Variants in F13A1 observed in about 807,000 individuals in gnomAD.
F13A1 encodes the protein coagulation factor XIII A chain.
A neutral mutation model predicts 80.1 loss-of-function variants in F13A1; 47 were observed. That is an observed-to-expected ratio of 0.59 (90% CI 0.46 to 0.75). F13A1 has a LOEUF of 0.75. Among genes scored for constraint, F13A1 ranks in the 30% least tolerant of loss-of-function variants. The probability of loss-of-function intolerance (pLI) is 0.00; values close to 1 mark genes in which losing one functional copy is unlikely to be tolerated. For missense variants in F13A1, 817 were observed against 930.4 expected (o/e 0.88, Z 1.59); for synonymous variants, 349 against 344.9 (o/e 1.01, Z -0.13).
intron 8 of F13A1, among the ~76,000 whole-genome samples, chr6:6,219,648 C>T (rs754615626): frequency 6.6e-6 from 1 of 152,150 alleles, no homozygotes. Flanking sequence ...TGGGGACAGC[C>T]CGCACTAACC....
rs116768457 is a variant in F13A1, at chr6:6,235,060, G to A, written c.799-10200C>T. Reference sequence around the variant, plus strand: ...ATAAAGGATAATCATTTCAAAAAATGAGGTGGCATCAATTGGATATTCATA... The same window carrying A: ...ATAAAGGATAATCATTTCAAAAAATAAGGTGGCATCAATTGGATATTCATA... On this transcript the variant is annotated intron_variant, in intron 6 of 14. Transcript: ENST00000264870. 4.7e-3 allele frequency among the ~76,000 whole-genome samples: 721 copies of A among 152,110 alleles called. 2 individuals carry two copies. Among genetic ancestry groups the A allele is most frequent in the African/African-American group, 0.017 (688 of 41,564 alleles).
intron 4 of F13A1, among the ~76,000 whole-genome samples, chr6:6,259,214 A>C (rs1757745411): frequency 6.6e-6 from 1 of 152,222 alleles, no homozygotes. Flanking sequence ...CTGAGGGCGT[A>C]AATGCTGGTC....
At chr6:6,180,716 T>TA (rs1760965319) in intron 11 of F13A1, among the ~76,000 whole-genome samples, 1 of 152,192 alleles carries the variant, frequency 6.6e-6, no homozygotes, top group Non-Finnish European at 1.5e-5. Context: ...ATGAAGCATT[T>TA]AAAAAATACA....
chr6:6,267,917 A>G (rs1026925262), intron 3 of F13A1, among the ~76,000 whole-genome samples: 3 of 152,202 alleles, frequency 2.0e-5, no homozygotes, highest in Non-Finnish European at 4.4e-5. Flanking sequence ...TCACCTTTGT[A>G]CTAACTTCTA....
intron 13 of F13A1, 143 bp from the exon 14 acceptor site, chr6:6,152,092 T>C: frequency 4.4e-6 from 4 of 917,952 alleles, no homozygotes; most frequent in Non-Finnish European, 5.1e-6. Context: ...GATAGCTGAT[T>C]GCTTTGACTG....
intron 13 of F13A1, among the ~76,000 whole-genome samples, chr6:6,161,316 AC>A (rs1189912864): frequency 1.3e-5 from 2 of 152,018 alleles, no homozygotes; most frequent in Admixed American, 1.3e-4. Flanking sequence ...GCCCTAAGCA[AC>A]CCCCATGCAT....
At chr6:6,190,726 C>G (rs1279629530) in intron 10 of F13A1, among the ~76,000 whole-genome samples, 1 of 120,728 alleles carries the variant, frequency 8.3e-6, no homozygotes, top group Non-Finnish European at 1.8e-5. Context: ...GGCAGGCAGG[C>G]CTCCTTGAGC....
In F13A1 at chr6:6,195,890, A is replaced by C. The variant is rs757186297; in HGVS notation, c.1217-5T>G. 3.1e-6 allele frequency: 5 copies of C among 1,613,960 alleles called. No homozygotes were observed. In the South Asian group the frequency reaches 4.4e-5, roughly 14 times the overall value. The stretch of plus-strand genomic sequence containing the variant: ...CGGGGCCACACCGATACATGCCTGC[A>C]TTGCACAGAGGAAGGGCGGTGTGAG... On this transcript the variant is annotated splice_polypyrimidine_tract_variant and splice_region_variant and intron_variant, in intron 9 of 14. Coordinates refer to ENST00000264870, the MANE Select transcript of F13A1 (RefSeq NM_000129.4).
intron 3 of F13A1, chr6:6,305,023 C>T (rs1260711333): frequency 2.2e-5 from 9 of 403,724 alleles, no homozygotes; most frequent in Middle Eastern, 1.5e-3. Flanking sequence ...ATTTTCAGCA[C>T]GAGACCAATT....
chr6:6,159,503 G>C (rs886101029), intron 13 of F13A1, among the ~76,000 whole-genome samples: 9 of 152,218 alleles, frequency 5.9e-5, no homozygotes, highest in African/African-American at 2.2e-4. Flanking sequence ...ACTGTGCAAA[G>C]TGGAAAAGGG....
chr6:6,151,751 AC>A (rs1760379941), intron 14 of F13A1, 61 bp downstream of exon 14: 3 of 1,607,978 alleles, frequency 1.9e-6, no homozygotes, highest in Non-Finnish European at 2.6e-6. Context: ...GAAAAGACAC[AC>A]ACAGAGAAAG....
At chr6:6,206,736 C>T (rs1761496231) in intron 8 of F13A1, 1 of 364,562 alleles carries the variant, frequency 2.7e-6, no homozygotes, top group South Asian at 2.2e-5. Flanking sequence ...TGGCTTTCTA[C>T]ATACATAATT....
intron 8 of F13A1, among the ~76,000 whole-genome samples, chr6:6,202,843 GC>G (rs994046743): frequency 1.3e-5 from 2 of 152,208 alleles, no homozygotes; most frequent in Non-Finnish European, 2.9e-5. Context: ...TAATAATTCA[GC>G]AGTATTGGTA....
intron 13 of F13A1, among the ~76,000 whole-genome samples, chr6:6,166,635 G>A (rs899705156): frequency 3.3e-5 from 5 of 152,300 alleles, no homozygotes; most frequent in South Asian, 4.1e-4. Context: ...GCAGGAAGGC[G>A]TCTCATGGAT....
In F13A1 at chr6:6,194,719, C is replaced by T. The variant is rs781571134; in HGVS notation, c.1305+1078G>A. On this transcript the variant is annotated intron_variant, in intron 10 of 14. Transcript: ENST00000264870. The stretch of plus-strand genomic sequence containing the variant: ...CCCTGTCACCTGGCATCTAGAAATA[C>T]GTTTCTTAAAGACTTGAACCTTAGA... Among the ~76,000 whole-genome samples, 65 of 152,190 alleles carry T rather than the reference C, an allele frequency of 4.3e-4. 1 individual carries two copies. Among genetic ancestry groups the T allele is most frequent in the Non-Finnish European group, 2.5e-4 (17 of 68,044 alleles).
chr6:6,208,078 AC>A (rs1583071962), intron 8 of F13A1, among the ~76,000 whole-genome samples: 2 of 152,352 alleles, frequency 1.3e-5, no homozygotes, highest in East Asian at 1.9e-4. Context: ...GAAAGCTAAG[AC>A]ATTGGACTTA....
At chr6:6,291,993 C>T (rs1305737354) in intron 3 of F13A1, among the ~76,000 whole-genome samples, 1 of 152,146 alleles carries the variant, frequency 6.6e-6, no homozygotes, top group African/African-American at 2.4e-5. Context: ...GTGGAGGCTC[C>T]CTTGGTGGAG....
chr6:6,244,142 T>G (rs991216819), intron 6 of F13A1, among the ~76,000 whole-genome samples: 7 of 152,280 alleles, frequency 4.6e-5, no homozygotes, highest in African/African-American at 1.7e-4. Context: ...CACAGAAACT[T>G]GGGGCTAGCA....
rs1757563829 is a variant in F13A1, at chr6:6,247,121, A to AT, written c.798+1190dup. On this transcript the variant is annotated intron_variant, in intron 6 of 14. Coordinates refer to ENST00000264870, the MANE Select transcript of F13A1 (RefSeq NM_000129.4). ...AAACTGCCTTTACATGTTGGTTTCT[A>AT]TTTTTACTTTTTATGCTCTGCTGTT... 2.6e-5 allele frequency among the ~76,000 whole-genome samples: 4 copies of AT among 152,292 alleles called. No individual in the cohort carries two copies. The South Asian group carries it at 8.3e-4, about 32-fold the overall frequency.
Sources: gnomAD v4.1 joint callset for allele counts (sites outside exome capture counted in the v4.1 genomes callset) on GRCh38, gnomAD v4.1.1 for gene constraint, MANE v1.5 for transcripts, NCBI Gene and HGNC (gene_info 2026-07-23, HGNC 2026-07-21) for gene names.